Variants in METAP1 observed in about 807,000 individuals in gnomAD.
The protein encoded by METAP1 is methionyl aminopeptidase 1.
Under a neutral mutation model 53.8 loss-of-function variants are expected in METAP1, and 28 were observed. That is an observed-to-expected ratio of 0.52 (90% CI 0.39 to 0.71). METAP1 has a LOEUF of 0.71. Among genes scored for constraint, METAP1 ranks in the 30% least tolerant of loss-of-function variants. The probability of loss-of-function intolerance (pLI) is 0.00; values close to 1 mark genes in which losing one functional copy is unlikely to be tolerated. For synonymous variants in METAP1, 181 were observed against 165.7 expected (o/e 1.09, Z -0.71); for missense variants, 389 against 479.8 (o/e 0.81, Z 1.77).
intron 1 of METAP1, among the ~76,000 whole-genome samples, chr4:99,021,595 G>A (rs1724112647): frequency 6.6e-6 from 1 of 151,900 alleles, no homozygotes; most frequent in Non-Finnish European, 1.5e-5. Context: ...TCTGCAGAAA[G>A]GGTACACTCA....
chr4:99,023,479 T>G, intron 1 of METAP1: 1 of 985,196 alleles, frequency 1.0e-6, no homozygotes, highest in Non-Finnish European at 1.2e-6. Flanking sequence ...CAGCATTCTT[T>G]CTAACATTGT....
At chr4:99,060,823 A>G (rs1479086668) in intron 10 of METAP1, among the ~76,000 whole-genome samples, 1 of 152,204 alleles carries the variant, frequency 6.6e-6, no homozygotes, top group African/African-American at 2.4e-5. Flanking sequence ...ATGCTTTGAT[A>G]CATATAATGA....
At chr4:99,026,285 G>C (rs752244340) in intron 1 of METAP1, 9 of 984,682 alleles carry the variant, frequency 9.1e-6, no homozygotes, top group Non-Finnish European at 4.8e-6. Flanking sequence ...TTACCTACTA[G>C]TTATAATAAT....
intron 1 of METAP1, among the ~76,000 whole-genome samples, chr4:99,001,330 G>A (rs925773657): frequency 6.6e-6 from 1 of 152,170 alleles, no homozygotes; most frequent in African/African-American, 2.4e-5. Flanking sequence ...GAGAAATTAT[G>A]AGTCTTTTTA....
intron 1 of METAP1, among the ~76,000 whole-genome samples, chr4:99,014,008 C>G (rs958178111): frequency 1.3e-5 from 2 of 152,170 alleles, no homozygotes; most frequent in Non-Finnish European, 1.5e-5. Context: ...ATAAAAGCAA[C>G]CTTTCCGAAT....
intron 2 of METAP1, among the ~76,000 whole-genome samples, chr4:99,032,148 G>A (rs1437893702): frequency 6.6e-6 from 1 of 151,936 alleles, no homozygotes; most frequent in African/African-American, 2.4e-5. Context: ...AGGAGAACTT[G>A]CCATATTCAA....
At chr4:99,002,486 G>A (rs113652312) in intron 1 of METAP1, among the ~76,000 whole-genome samples, 126 of 152,240 alleles carry the variant, frequency 8.3e-4, no homozygotes, top group African/African-American at 2.7e-3. Flanking sequence ...ACAATTATAA[G>A]TCTTTTCCTT....
intron 3 of METAP1, 116 bp from the exon 4 acceptor site, chr4:99,035,284 G>T (rs1037438999): frequency 1.4e-6 from 1 of 705,550 alleles, no homozygotes; most frequent in African/African-American, 1.8e-5. Flanking sequence ...ATATATATCT[G>T]TTATAATATT....
intron 6 of METAP1, among the ~76,000 whole-genome samples, chr4:99,042,760 A>G (rs1414869938): frequency 6.6e-6 from 1 of 152,046 alleles, no homozygotes; most frequent in East Asian, 1.9e-4. Flanking sequence ...GGTAATATTT[A>G]TATATATATT....
intron 1 of METAP1, among the ~76,000 whole-genome samples, chr4:99,027,991 TTTC>T (rs1724702410): frequency 6.6e-6 from 1 of 152,144 alleles, no homozygotes; most frequent in South Asian, 2.1e-4. Context: ...TTTCCTTAAC[TTTC>T]TTCTTGTCCG....
intron 1 of METAP1, chr4:99,025,390 T>G: frequency 1.0e-6 from 1 of 985,418 alleles, no homozygotes; most frequent in Non-Finnish European, 1.2e-6. Context: ...GTTCTAGAAG[T>G]GAAATGAGAG....
intron 1 of METAP1, among the ~76,000 whole-genome samples, chr4:99,025,134 T>A (rs1365330907): frequency 6.6e-6 from 1 of 152,208 alleles, no homozygotes; most frequent in Non-Finnish European, 1.5e-5. Flanking sequence ...TGTGGGCTGG[T>A]TCCTAACAGG....
At chr4:99,055,867 A>C (rs1463376393) in intron 9 of METAP1, among the ~76,000 whole-genome samples, 2 of 152,214 alleles carry the variant, frequency 1.3e-5, no homozygotes, top group Non-Finnish European at 2.9e-5. Flanking sequence ...AATTCTGTAT[A>C]TGTATTAAGC....
chr4:99,001,184 G>A (rs572916889), intron 1 of METAP1, among the ~76,000 whole-genome samples: 1 of 152,162 alleles, frequency 6.6e-6, no homozygotes, highest in Non-Finnish European at 1.5e-5. Context: ...TTATCATGTT[G>A]TGCGTTTTTA....
intron 1 of METAP1, among the ~76,000 whole-genome samples, chr4:99,008,330 T>C (rs1579243579): frequency 6.6e-6 from 1 of 152,164 alleles, no homozygotes; most frequent in Non-Finnish European, 1.5e-5. Context: ...TACAGAAATA[T>C]AAGGAAATGA....
At chr4:99,031,684 A>C in intron 2 of METAP1, 3 of 910,952 alleles carry the variant, frequency 3.3e-6, no homozygotes, top group Non-Finnish European at 4.7e-6. Context: ...AAAACTAATA[A>C]TCATCTCTGG....
intron 2 of METAP1, 50 bp from the exon 3 acceptor site, chr4:99,034,180 C>A: frequency 8.8e-7 from 1 of 1,134,786 alleles, no homozygotes; most frequent in Non-Finnish European, 1.3e-6. Context: ...TGAAACATTC[C>A]TTTCCCTCCT....
At position 99,022,591 on chromosome 4, in the gene METAP1, C is replaced by T. The variant is rs927363297; in HGVS notation, c.115-6276C>T. On this transcript the variant is annotated intron_variant, in intron 1 of 10. Transcript: ENST00000296411. The stretch of plus-strand genomic sequence containing the variant: ...ACTTTGAAGATAGAAGATGGTCTCA[C>T]ACTTGGCCTGAGTGACCTCCACTCT... The T allele has an allele frequency of 8.9e-6, 6 of 673,738 alleles. No homozygotes were observed. The African/African-American group carries it at 1.1e-4, about 12-fold the overall frequency. 41.7% of individuals were successfully genotyped at this position (673,738 alleles called of 1,614,324 possible). A position where few individuals can be genotyped will look rare whatever the true frequency, so the allele number is the denominator to read the frequency against.
chr4:99,056,741 T>G (rs2110428395), intron 9 of METAP1, among the ~76,000 whole-genome samples: 1 of 152,176 alleles, frequency 6.6e-6, no homozygotes, highest in East Asian at 1.9e-4. Flanking sequence ...AGCTAATTTT[T>G]TGTATTTTTA....
Sources: allele counts gnomAD v4.1 joint callset (sites outside exome capture counted in the v4.1 genomes callset), GRCh38; gene constraint gnomAD v4.1.1; transcripts MANE v1.5; gene names NCBI Gene and HGNC (gene_info 2026-07-23, HGNC 2026-07-21).